Variants in OXR1 observed in about 807,000 individuals in gnomAD.
OXR1 encodes the protein oxidation resistance 1.
In OXR1, 41 loss-of-function variants were observed where a neutral mutation model predicts 104.6. The observed-to-expected ratio is 0.39, with a 90% confidence interval of 0.31 to 0.51. The LOEUF (loss-of-function observed/expected upper bound fraction) is 0.51. Among genes scored for constraint, OXR1 ranks in the 20% least tolerant of loss-of-function variants. The pLI is 0.77. For missense variants in OXR1, 955 were observed against 1,031.9 expected (o/e 0.93, Z 1.02); for synonymous variants, 348 against 348.4 (o/e 1.00, Z 0.01).
chr8:106,697,511 G>A (rs2131328150), intron 7 of OXR1: 4 of 1,610,472 alleles, frequency 2.5e-6, no homozygotes, highest in Non-Finnish European at 3.4e-6. Context: ...TTGCCCTCTT[G>A]CAGCTGGTTA....
chr8:106,693,451 T>G (rs936241745), intron 7 of OXR1, among the ~76,000 whole-genome samples: 2 of 130,836 alleles, frequency 1.5e-5, no homozygotes, highest in African/African-American at 6.2e-5. Context: ...TTTTTTGAGA[T>G]GAAGTTTCGC....
At chr8:106,740,590 A>C in intron 14 of OXR1, 95 bp downstream of exon 14, 2 of 1,034,034 alleles carry the variant, frequency 1.9e-6, no homozygotes, top group East Asian at 2.5e-5. Flanking sequence ...TTATTAGTGC[A>C]TTTTATTGTT....
intron 2 of OXR1, among the ~76,000 whole-genome samples, chr8:106,513,075 A>C (rs527262633): frequency 6.6e-6 from 1 of 152,158 alleles, no homozygotes. Flanking sequence ...AAGATTTCCT[A>C]TGCTTCTAGT....
chr8:106,591,305 G>T (rs1290015618), intron 3 of OXR1, among the ~76,000 whole-genome samples: 2 of 90,936 alleles, frequency 2.2e-5, no homozygotes, highest in African/African-American at 8.6e-5. Context: ...GGGGAGGGGG[G>T]AGGGGGGAGG....
At chr8:106,592,611 A>C (rs1240186157) in intron 3 of OXR1, among the ~76,000 whole-genome samples, 1 of 152,202 alleles carries the variant, frequency 6.6e-6, no homozygotes, top group African/African-American at 2.4e-5. Flanking sequence ...CTAAGGGAAG[A>C]GCAAGCACAA....
At chr8:106,739,028 T>C (rs1219916996) in intron 12 of OXR1, among the ~76,000 whole-genome samples, 2 of 151,682 alleles carry the variant, frequency 1.3e-5, no homozygotes, top group African/African-American at 4.8e-5. Context: ...GTTCATTATT[T>C]TTGACAAATT....
chr8:106,533,157 C>G (rs1234161413), intron 3 of OXR1, among the ~76,000 whole-genome samples: 1 of 152,188 alleles, frequency 6.6e-6, no homozygotes, highest in African/African-American at 2.4e-5. Flanking sequence ...CTGCCCCTGA[C>G]TATTTCTGGA....
intron 9 of OXR1, 31 bp downstream of exon 9, chr8:106,707,176 C>G: frequency 1.3e-6 from 2 of 1,597,624 alleles, no homozygotes. Context: ...GAAGTTAGTT[C>G]ATCCAATTGT....
At chr8:106,453,069 A>G (rs926155892) in intron 2 of OXR1, among the ~76,000 whole-genome samples, 1 of 152,118 alleles carries the variant, frequency 6.6e-6, no homozygotes, top group African/African-American at 2.4e-5. Flanking sequence ...CCTTTCTTGC[A>G]TCGTAGAAGA....
At chr8:106,357,808 C>T (rs1324328197) in intron 1 of OXR1, among the ~76,000 whole-genome samples, 2 of 152,098 alleles carry the variant, frequency 1.3e-5, no homozygotes, top group Non-Finnish European at 2.9e-5. Flanking sequence ...GATTCCATCT[C>T]TCCTTTGCCC....
chr8:106,351,676 T>C lies in OXR1; in HGVS notation c.-138-7800T>C, dbSNP rs1815731153. Reference sequence around the variant, plus strand: ...AGATCACCTGGAGTCTTGTGAACCATCTCAGGGAACTGATACTTTACTGCG... The same window carrying C: ...AGATCACCTGGAGTCTTGTGAACCACCTCAGGGAACTGATACTTTACTGCG... On this transcript the variant is annotated intron_variant, in intron 1 of 16. Coordinates refer to ENST00000517566, the MANE Select transcript of OXR1 (RefSeq NM_001198533.2). 2.6e-5 allele frequency among the ~76,000 whole-genome samples: 4 copies of C among 152,134 alleles called. No individual in the cohort carries two copies. The South Asian group carries it at 8.3e-4, about 32-fold the overall frequency.
chr8:106,453,729 C>T (rs1820448880), intron 2 of OXR1, among the ~76,000 whole-genome samples: 1 of 152,224 alleles, frequency 6.6e-6, no homozygotes, highest in Non-Finnish European at 1.5e-5. Context: ...AGCCATAATT[C>T]AGGACCTGAG....
At chr8:106,302,455 G>A (rs966209794) in intron 1 of OXR1, among the ~76,000 whole-genome samples, 7 of 151,792 alleles carry the variant, frequency 4.6e-5, no homozygotes, top group Middle Eastern at 3.4e-3. Context: ...GCGTGGTGGC[G>A]GGCACCTGTA....
chr8:106,726,841 T>C (rs1366640255), intron 11 of OXR1, among the ~76,000 whole-genome samples: 3 of 152,212 alleles, frequency 2.0e-5, no homozygotes, highest in African/African-American at 7.2e-5. Context: ...TCAACCATAC[T>C]ATTGTAAGAA....
chr8:106,647,668 T>C (rs1008312529), intron 3 of OXR1, among the ~76,000 whole-genome samples: 1 of 152,236 alleles, frequency 6.6e-6, no homozygotes, highest in Non-Finnish European at 1.5e-5. Context: ...GTCTGCTTTA[T>C]TGATTCCATC....
At chr8:106,539,287 G>A (rs928026288) in intron 3 of OXR1, among the ~76,000 whole-genome samples, 6 of 152,150 alleles carry the variant, frequency 3.9e-5, no homozygotes, top group African/African-American at 1.4e-4. Context: ...CTTCTCATGT[G>A]TATATCTAAA....
intron 1 of OXR1, among the ~76,000 whole-genome samples, chr8:106,356,217 C>T (rs936679408): frequency 6.6e-6 from 1 of 152,162 alleles, no homozygotes; most frequent in African/African-American, 2.4e-5. Context: ...GGATGGCTCC[C>T]AGGTCCTTGA....
intron 11 of OXR1, among the ~76,000 whole-genome samples, chr8:106,736,532 A>G (rs143560045): frequency 0.012 from 1,883 of 152,310 alleles, 18 homozygotes; most frequent in Non-Finnish European, 0.017. Flanking sequence ...GGAACTAGTC[A>G]TAGCTCAAGA....
At chr8:106,367,921 A>C (rs1291888364) in intron 2 of OXR1, among the ~76,000 whole-genome samples, 1 of 152,178 alleles carries the variant, frequency 6.6e-6, no homozygotes, top group Non-Finnish European at 1.5e-5. Flanking sequence ...GGAACTGTCT[A>C]GGAAGCCAGG....
Sources: allele counts gnomAD v4.1 joint callset (sites outside exome capture counted in the v4.1 genomes callset), GRCh38; gene constraint gnomAD v4.1.1; transcripts MANE v1.5; gene names NCBI Gene and HGNC (gene_info 2026-07-23, HGNC 2026-07-21).